SKIC8: variants seen among roughly 807,000 people sequenced by gnomAD.
SKIC8 encodes the protein SKI8 subunit of superkiller complex, also known as superkiller complex protein 8.
chr15:78,298,106 G>T, the SKIC8 span, among the ~76,000 whole-genome samples: 3 of 152,192 alleles, frequency 2.0e-5, no homozygotes, highest in African/African-American at 7.2e-5. Flanking sequence ...AGACAGGAAA[G>T]TGCTCAAGCC....
chr15:78,295,105 C>T, the SKIC8 span: 2 of 1,038,664 alleles, frequency 1.9e-6, no homozygotes, highest in Non-Finnish European at 2.9e-6. Context: ...GTCAACCTGG[C>T]CATCCCGCAA....
At chr15:78,283,855 A>G in the SKIC8 span, 1 of 171,104 alleles carries the variant, frequency 5.8e-6, no homozygotes, top group African/African-American at 2.4e-5. Context: ...AGAGACCAAC[A>G]TTTATGCTTC....
the SKIC8 span, chr15:78,290,166 G>A: frequency 6.7e-7 from 1 of 1,500,786 alleles, no homozygotes; most frequent in Non-Finnish European, 8.9e-7. Context: ...AAAAACTAAA[G>A]TTTTACCAAA....
the SKIC8 span, chr15:78,291,215 C>T: frequency 2.0e-5 from 3 of 152,280 alleles, no homozygotes; most frequent in East Asian, 5.8e-4. Context: ...GGAACCAATC[C>T]AGCACTGATT....
At chr15:78,286,203 ATAT>A in the SKIC8 span, 1 of 1,362,238 alleles carries the variant, frequency 7.3e-7, no homozygotes, top group Non-Finnish European at 1.0e-6. Context: ...AGTGGAAAGT[ATAT>A]TATTAACTCT....
the SKIC8 span, among the ~76,000 whole-genome samples, chr15:78,296,252 AAAAATTAGCTGGGTGTAGT>A: frequency 6.6e-6 from 1 of 151,986 alleles, no homozygotes; most frequent in Admixed American, 6.6e-5. Context: ...ATAAAAATAC[AAAAATTAGCTGGGTGTAGT>A]GGCGCACACC....
the SKIC8 span, chr15:78,293,276 G>A: frequency 6.2e-7 from 1 of 1,613,710 alleles, no homozygotes; most frequent in Admixed American, 1.7e-5. Context: ...TCATGGGCTA[G>A]AATGGAAAGT....
chr15:78,284,851 A>C, the SKIC8 span: 1 of 169,780 alleles, frequency 5.9e-6, no homozygotes, highest in Non-Finnish European at 1.3e-5. Context: ...TCTTCTTTGG[A>C]CAGTCCCAAA....
the SKIC8 span, chr15:78,283,311 C>A: frequency 8.4e-6 from 6 of 712,254 alleles, no homozygotes; most frequent in Non-Finnish European, 1.1e-5. Context: ...ATTGTATCTA[C>A]AAAATTTAAG....
At chr15:78,292,658 A>G in the SKIC8 span, 1 of 1,614,218 alleles carries the variant, frequency 6.2e-7, no homozygotes, top group Non-Finnish European at 8.5e-7. Context: ...CCATTTTCCA[A>G]GTCCCAAAGA....
the SKIC8 span, chr15:78,295,979 G>A: frequency 2.5e-3 from 890 of 358,138 alleles, 6 homozygotes; most frequent in African/African-American, 0.016. Context: ...TGTGACTGCA[G>A]AGAGCGACCA....
At chr15:78,286,459 T>C in the SKIC8 span, 4 of 224,872 alleles carry the variant, frequency 1.8e-5, no homozygotes, top group South Asian at 1.2e-4. Flanking sequence ...GATGAGGAAA[T>C]TGAGAACCAA....
the SKIC8 span, among the ~76,000 whole-genome samples, chr15:78,296,436 G>T: frequency 6.6e-6 from 1 of 151,594 alleles, no homozygotes; most frequent in Non-Finnish European, 1.5e-5. Context: ...AAAAAAAAAA[G>T]GATAGATCTA....
chr15:78,286,133 T>A, the SKIC8 span: 1 of 1,605,834 alleles, frequency 6.2e-7, no homozygotes, highest in Non-Finnish European at 8.5e-7. Context: ...TGGCATGTTG[T>A]CTGAAATGGG....
the SKIC8 span, among the ~76,000 whole-genome samples, chr15:78,289,466 G>A: frequency 6.6e-6 from 1 of 152,098 alleles, no homozygotes; most frequent in African/African-American, 2.4e-5. Flanking sequence ...ATAGTGACAA[G>A]ACTAAAACCT....
chr15:78,295,785 G>C, the SKIC8 span: 2 of 1,395,774 alleles, frequency 1.4e-6, no homozygotes, highest in Non-Finnish European at 9.6e-7. Context: ...AGGCACACAG[G>C]AAGTTCCCCT....
the SKIC8 span, chr15:78,294,640 T>C: frequency 2.8e-6 from 1 of 355,666 alleles, no homozygotes; most frequent in Non-Finnish European, 5.2e-6. Flanking sequence ...CCTCAAAGCA[T>C]TTCCTTCTTC....
chr15:78,285,811 C>T, the SKIC8 span: 5 of 464,340 alleles, frequency 1.1e-5, no homozygotes, highest in South Asian at 2.2e-4. Context: ...GTAGAAGCCT[C>T]AATTTATAAT....
the SKIC8 span, among the ~76,000 whole-genome samples, chr15:78,297,983 C>T: frequency 6.6e-6 from 1 of 152,204 alleles, no homozygotes; most frequent in Non-Finnish European, 1.5e-5. Context: ...AAACTCCTGG[C>T]CTCAAACGAT....
Sources: allele counts gnomAD v4.1 joint callset (sites outside exome capture counted in the v4.1 genomes callset), GRCh38; gene constraint gnomAD v4.1.1; transcripts MANE v1.5; gene names NCBI Gene and HGNC (gene_info 2026-07-23, HGNC 2026-07-21).